Variants in DDC observed in about 807,000 individuals in gnomAD.
DDC encodes the protein aromatic-L-amino-acid decarboxylase.
Under a neutral mutation model 60.0 loss-of-function variants are expected in DDC, and 43 were observed. The observed-to-expected ratio is 0.72, with a 90% confidence interval of 0.56 to 0.92. DDC has a LOEUF of 0.92. Ranked by LOEUF, DDC falls within the 40% of genes least tolerant of loss-of-function variation. The probability of loss-of-function intolerance (pLI) is 0.00; values close to 1 mark genes in which losing one functional copy is unlikely to be tolerated. For missense variants in DDC, 573 were observed against 620.2 expected, an observed-to-expected ratio of 0.92 and a Z score of 0.81; for synonymous variants, 232 against 234.6, an observed-to-expected ratio of 0.99 and a Z score of 0.10.
chr7:50,470,086 G>T lies in DDC; in HGVS notation c.1127C>A (p.Ala376Asp). 6.2e-7 allele frequency: 1 copy of T among 1,608,652 alleles called. No individual in the cohort carries two copies. The highest frequency in any genetic ancestry group is 8.5e-7 in the Non-Finnish European group (1 of 1,175,104). The part of the protein sequence containing the change: ...FRMYGVKGLQ[A>D]YIRKHVQLSH... Reference sequence around the variant, plus strand: ...AAACAAAGTCACCTTGCGGATATAAGCCTGCAGTCCTTTGACTCCATACAT... The same window carrying T: ...AAACAAAGTCACCTTGCGGATATAATCCTGCAGTCCTTTGACTCCATACAT... Residue 376 changes from alanine (A) to aspartate (D), a missense_variant, in exon 12 of 15, where the codon GCT becomes GAT. Physicochemically the swap from Ala to Asp is moderately radical, Grantham distance 126 (BLOSUM62 -2). Coordinates refer to ENST00000444124, the MANE Select transcript of DDC (RefSeq NM_001082971.2).
At chr7:50,549,449 G>A (rs1052178922) in intron 1 of DDC, among the ~76,000 whole-genome samples, 5 of 152,090 alleles carry the variant, frequency 3.3e-5, no homozygotes, top group South Asian at 2.1e-4. Flanking sequence ...TCAGGAGATC[G>A]AGACCATCCT....
chr7:50,469,496 A>G (rs1337840459), intron 12 of DDC, among the ~76,000 whole-genome samples: 1 of 152,200 alleles, frequency 6.6e-6, no homozygotes, highest in Non-Finnish European at 1.5e-5. Flanking sequence ...CATAATTGCC[A>G]TTGCTCAATG....
chr7:50,565,298 G>A lies in DDC; in HGVS notation c.-42C>T, dbSNP rs1441928745. The A allele has an allele frequency of 2.0e-5, 3 of 152,168 alleles. No individual in the cohort carries two copies. The highest frequency in any genetic ancestry group is 1.9e-4 in the East Asian group (1 of 5,204). 9.4% of individuals were successfully genotyped at this position (152,168 alleles called of 1,614,324 possible). ...TCAGAGACTTACATGCTGGAAATTC[G>A]AATTCCTTACAGGGCTACTCTCCTT... is the stretch of plus-strand genomic sequence containing the variant. On this transcript the variant is annotated 5_prime_UTR_variant, in exon 1 of 15. Coordinates refer to ENST00000444124, the MANE Select transcript of DDC (RefSeq NM_001082971.2).
intron 13 of DDC, among the ~76,000 whole-genome samples, chr7:50,464,635 T>C (rs1585131801): frequency 6.6e-6 from 1 of 152,194 alleles, no homozygotes; most frequent in South Asian, 2.1e-4. Flanking sequence ...GATAGGGCAG[T>C]ACTTCCATGA....
chr7:50,476,604 C>G lies in DDC; in HGVS notation c.1041+20G>C. 6.2e-7 allele frequency: 1 copy of G among 1,605,458 alleles called. No individual in the cohort carries two copies. Among genetic ancestry groups the G allele is most frequent in the Non-Finnish European group, 8.5e-7 (1 of 1,172,378 alleles). ...AGCACTCCACTAGCATTTGAGATTA[C>G]AGTGGAATCTCCCACTTACCCGGTA... On this transcript the variant is annotated intron_variant, in intron 11 of 14. Coordinates refer to ENST00000444124, the MANE Select transcript of DDC (RefSeq NM_001082971.2).
chr7:50,557,725 C>A (rs912599720), intron 1 of DDC, among the ~76,000 whole-genome samples: 3 of 152,188 alleles, frequency 2.0e-5, no homozygotes, highest in African/African-American at 7.2e-5. Context: ...CCCACCATCA[C>A]CATATAGGTC....
intron 6 of DDC, among the ~76,000 whole-genome samples, chr7:50,512,350 C>T (rs1433158936): frequency 1.3e-5 from 2 of 152,124 alleles, no homozygotes; most frequent in African/African-American, 4.8e-5. Flanking sequence ...GTAGGAAGCA[C>T]CAGGAAATCT....
intron 6 of DDC, among the ~76,000 whole-genome samples, chr7:50,522,610 T>G (rs867893999): frequency 2.6e-4 from 39 of 152,068 alleles, no homozygotes; most frequent in African/African-American, 9.4e-4. Flanking sequence ...ACAAATGAAG[T>G]CAACTGATCT....
At chr7:50,512,449 A>T (rs1234702684) in intron 6 of DDC, among the ~76,000 whole-genome samples, 1 of 152,202 alleles carries the variant, frequency 6.6e-6, no homozygotes, top group Non-Finnish European at 1.5e-5. Context: ...AAGGCTTGCA[A>T]CTTCAATATA....
chr7:50,500,489 C>T (rs754183297), intron 7 of DDC, among the ~76,000 whole-genome samples: 1 of 152,178 alleles, frequency 6.6e-6, no homozygotes, highest in Non-Finnish European at 1.5e-5. Context: ...AACCTTACCG[C>T]TGATCTGAGC....
At chr7:50,564,809 G>T (rs961364070) in intron 1 of DDC, among the ~76,000 whole-genome samples, 17 of 152,134 alleles carry the variant, frequency 1.1e-4, no homozygotes, top group African/African-American at 4.1e-4. Context: ...CAAAAGGAGA[G>T]AGCCCTGACG....
chr7:50,477,644 A>T (rs2042676258), intron 10 of DDC: 1 of 413,236 alleles, frequency 2.4e-6, no homozygotes, highest in Non-Finnish European at 4.9e-6. Context: ...TATTTTCTCC[A>T]CTAGCATAAA....
chr7:50,511,786 A>G (rs931394893), intron 6 of DDC, among the ~76,000 whole-genome samples: 2 of 152,184 alleles, frequency 1.3e-5, no homozygotes, highest in African/African-American at 4.8e-5. Flanking sequence ...AGAAGAAAAG[A>G]TGGAATTCTA....
At chr7:50,526,584 A>G (rs1363821010) in intron 6 of DDC, among the ~76,000 whole-genome samples, 1 of 152,208 alleles carries the variant, frequency 6.6e-6, no homozygotes. Flanking sequence ...TGAGCCAAAT[A>G]AAAAACAAAT....
chr7:50,538,851 G>A (rs1332256774), intron 3 of DDC, among the ~76,000 whole-genome samples: 2 of 152,348 alleles, frequency 1.3e-5, no homozygotes, highest in Admixed American at 6.5e-5. Context: ...CTTTAGGAGA[G>A]GGTATGCTCA....
chr7:50,499,172 G>A lies in DDC; in HGVS notation c.852C>T (p.Phe284=), dbSNP rs919566973. ...YAGSAFICPE[F]RHLLNGVEFA... Reference sequence around the variant, plus strand: ...CCTCCACTCCATTCAGAAGGTGCCGGAACTCAGGGCAGATGAATGCACTGC... The same window carrying A: ...CCTCCACTCCATTCAGAAGGTGCCGAAACTCAGGGCAGATGAATGCACTGC... The change falls in exon 8 of 15, where the codon TTC becomes TTT. Residue 284 remains phenylalanine (F), a synonymous_variant. Coordinates refer to ENST00000444124, the MANE Select transcript of DDC (RefSeq NM_001082971.2). 3 of 1,613,782 alleles carry A rather than the reference G, an allele frequency of 1.9e-6. No homozygotes were observed. In the African/African-American group the frequency reaches 4.0e-5, roughly 22 times the overall value.
In DDC at chr7:50,537,810, T is replaced by G. The variant is rs755887919; in HGVS notation, c.435+50A>C. 1.9e-6 allele frequency: 3 copies of G among 1,612,644 alleles called. No homozygotes were observed. In the Admixed American group the frequency reaches 5.0e-5, roughly 27 times the overall value. ...CTTTCCCCACCTGCGGCTACAGTCC[T>G]GTGCAGAGCCCATGCATCCCAAAAG... On this transcript the variant is annotated intron_variant, in intron 4 of 14. Transcript: ENST00000444124.
At position 50,463,419 on chromosome 7, in the gene DDC, C is replaced by T. The variant is rs1195471902; in HGVS notation, c.1255G>A (p.Val419Met). ...VCFRLKGSNK[V>M]NEALLQRINS... is the part of the protein sequence containing the mutation. ...ATTCTTTGCAGAAGAGCTTCATTCACTTTGTTGGAACCCTGGAGGGATTGA... is the reference window on the plus strand; with the variant it reads ...ATTCTTTGCAGAAGAGCTTCATTCATTTTGTTGGAACCCTGGAGGGATTGA... The change falls in exon 14 of 15, where the codon GTG becomes ATG. Residue 419 changes from valine to methionine, a missense_variant. Transcript: ENST00000444124. 2 of 1,614,112 alleles carry T rather than the reference C, an allele frequency of 1.2e-6. No individual in the cohort carries two copies. Among genetic ancestry groups the T allele is most frequent in the East Asian group, 2.2e-5 (1 of 44,878 alleles).
At chr7:50,532,440 C>T (rs865864475) in intron 4 of DDC, among the ~76,000 whole-genome samples, 1 of 152,216 alleles carries the variant, frequency 6.6e-6, no homozygotes, top group Non-Finnish European at 1.5e-5. Flanking sequence ...TCTCTGGACA[C>T]CAACCCAAGC....
Sources: allele counts gnomAD v4.1 joint callset (sites outside exome capture counted in the v4.1 genomes callset), GRCh38; gene constraint gnomAD v4.1.1; transcripts MANE v1.5; gene names NCBI Gene and HGNC (gene_info 2026-07-23, HGNC 2026-07-21).